Variants in NTRK3 observed in about 807,000 individuals in gnomAD.
The protein encoded by NTRK3 is NT-3 growth factor receptor.
A neutral mutation model predicts 91.7 loss-of-function variants in NTRK3; 24 were observed. The ratio of observed to expected loss-of-function variants is 0.26; its 90% CI spans 0.19 to 0.37. NTRK3 has a LOEUF of 0.37. NTRK3 is among the 10% of genes least tolerant of loss of function. The pLI is 1.00. For synonymous variants in NTRK3, 483 were observed against 404.0 expected (o/e 1.20, Z -2.34); for missense variants, 880 against 1,068.9 (o/e 0.82, Z 2.46).
intron 5 of NTRK3, among the ~76,000 whole-genome samples, chr15:88,178,829 G>A (rs371275790): frequency 6.6e-6 from 1 of 152,340 alleles, no homozygotes; most frequent in East Asian, 1.9e-4. Flanking sequence ...AGCTCTTTGA[G>A]GATGGAGCGT....
intron 3 of NTRK3, among the ~76,000 whole-genome samples, chr15:88,238,367 A>C (rs2052004614): frequency 6.6e-6 from 1 of 152,168 alleles, no homozygotes; most frequent in South Asian, 2.1e-4. Context: ...AATAAAGAAA[A>C]AACAAAGGAT....
At chr15:88,036,370 G>A (rs555334188) in intron 13 of NTRK3, among the ~76,000 whole-genome samples, 30 of 151,540 alleles carry the variant, frequency 2.0e-4, no homozygotes, top group Non-Finnish European at 8.8e-5. Flanking sequence ...ATTCTACAGA[G>A]CAATTCCTTC....
rs531658290 is a variant in NTRK3 at position 87,928,883 on chromosome 15, A to T, written c.2133+308T>A. 14 of 561,474 alleles carry T rather than the reference A, an allele frequency of 2.5e-5. No homozygotes were observed. In the Admixed American group the frequency reaches 2.8e-4, roughly 11 times the overall value. The allele number at this position is 561,474 out of a possible 1,614,324, so 34.8% of individuals were successfully genotyped here. A position where few individuals can be genotyped will look rare whatever the true frequency, so the allele number is the denominator to read the frequency against. On this transcript the variant is annotated intron_variant, in intron 17 of 18. Transcript: ENST00000394480. The stretch of plus-strand genomic sequence containing the variant: ...TGTGTGTTTGGGCACATACATATAC[A>T]TGTATGAGTATGTTTACATGAAGAA...
chr15:87,982,937 T>C (rs1343031488), intron 14 of NTRK3, among the ~76,000 whole-genome samples: 1 of 151,922 alleles, frequency 6.6e-6, no homozygotes, highest in Non-Finnish European at 1.5e-5. Flanking sequence ...CTGCATCTTC[T>C]GCCTACACTC....
chr15:88,155,243 A>G (rs74027777), intron 5 of NTRK3, among the ~76,000 whole-genome samples: 2,449 of 152,328 alleles, frequency 0.016, 66 homozygotes, highest in African/African-American at 0.054. Context: ...AGGCAGAGAG[A>G]AAGTAGGGAC....
At chr15:87,990,336 G>A (rs1210597127) in intron 14 of NTRK3, among the ~76,000 whole-genome samples, 1 of 152,166 alleles carries the variant, frequency 6.6e-6, no homozygotes, top group Non-Finnish European at 1.5e-5. Flanking sequence ...ACAATGTGGA[G>A]CACATACCGT....
intron 15 of NTRK3, among the ~76,000 whole-genome samples, chr15:87,937,649 A>G (rs954404547): frequency 6.6e-6 from 1 of 152,222 alleles, no homozygotes; most frequent in Non-Finnish European, 1.5e-5. Context: ...AAATCAGGAC[A>G]TAAATTTCCT....
intron 13 of NTRK3, among the ~76,000 whole-genome samples, chr15:88,076,444 T>C (rs1396916773): frequency 6.6e-6 from 1 of 152,134 alleles, no homozygotes; most frequent in Non-Finnish European, 1.5e-5. Flanking sequence ...TCAAGTCCTC[T>C]CCTGACCCCT....
At chr15:87,900,122 C>T (rs893019749) in intron 17 of NTRK3, among the ~76,000 whole-genome samples, 29 of 152,128 alleles carry the variant, frequency 1.9e-4, no homozygotes, top group Non-Finnish European at 3.7e-4. Flanking sequence ...GGGGATTCAA[C>T]TTGGAAAAAA....
At chr15:88,174,407 C>T (rs1357656563) in intron 5 of NTRK3, among the ~76,000 whole-genome samples, 1 of 152,172 alleles carries the variant, frequency 6.6e-6, no homozygotes, top group African/African-American at 2.4e-5. Flanking sequence ...CCAGCCCCTC[C>T]CATATACTCA....
intron 14 of NTRK3, among the ~76,000 whole-genome samples, chr15:88,028,036 GGAGTGA>G (rs1224020391): frequency 2.6e-5 from 4 of 152,130 alleles, no homozygotes; most frequent in Admixed American, 6.5e-5. Context: ...GAAAGGAGAG[GGAGTGA>G]GGGTGAGGAG....
At chr15:88,129,228 G>A (rs1395288151) in intron 10 of NTRK3, among the ~76,000 whole-genome samples, 2 of 152,190 alleles carry the variant, frequency 1.3e-5, no homozygotes, top group Non-Finnish European at 1.5e-5. Flanking sequence ...GAATCTGCCC[G>A]TCCTGCAGAT....
At chr15:88,156,950 G>A (rs929201745) in intron 5 of NTRK3, among the ~76,000 whole-genome samples, 1 of 152,278 alleles carries the variant, frequency 6.6e-6, no homozygotes, top group South Asian at 2.1e-4. Flanking sequence ...CTGGAAGGAA[G>A]CATTTCTTTC....
intron 3 of NTRK3, among the ~76,000 whole-genome samples, chr15:88,201,209 T>C (rs1352990126): frequency 6.6e-6 from 1 of 152,228 alleles, no homozygotes; most frequent in Non-Finnish European, 1.5e-5. Context: ...GAGTGCTGGC[T>C]AGACTCTGGG....
chr15:88,150,399 T>C (rs1166541620), intron 5 of NTRK3, among the ~76,000 whole-genome samples: 2 of 152,162 alleles, frequency 1.3e-5, no homozygotes, highest in Non-Finnish European at 2.9e-5. Context: ...TCTGGGCAAA[T>C]AAAGACTAAG....
intron 5 of NTRK3, among the ~76,000 whole-genome samples, chr15:88,170,147 A>G (rs2045370318): frequency 6.6e-6 from 1 of 152,200 alleles, no homozygotes; most frequent in Admixed American, 6.5e-5. Flanking sequence ...ATGTCTCAGA[A>G]AAGCCCCACA....
At chr15:88,159,942 C>CCACACACA (rs1567552976) in intron 5 of NTRK3, among the ~76,000 whole-genome samples, 2 of 38,628 alleles carry the variant, frequency 5.2e-5, no homozygotes, top group Non-Finnish European at 1.2e-4. Context: ...ACCCAGCCTC[C>CCACACACA]TACACACACA....
intron 6 of NTRK3, among the ~76,000 whole-genome samples, chr15:88,143,500 T>G (rs969051311): frequency 6.6e-6 from 1 of 152,244 alleles, no homozygotes; most frequent in Non-Finnish European, 1.5e-5. Flanking sequence ...TGTGGTAATT[T>G]GTTAACGCAG....
intron 5 of NTRK3, among the ~76,000 whole-genome samples, chr15:88,181,905 G>A (rs954077238): frequency 6.6e-5 from 10 of 152,172 alleles, no homozygotes; most frequent in African/African-American, 1.2e-4. Flanking sequence ...CTATGAAAAC[G>A]GAGACTTCTC....
Sources: gnomAD v4.1 joint callset for allele counts (sites outside exome capture counted in the v4.1 genomes callset) on GRCh38, gnomAD v4.1.1 for gene constraint, MANE v1.5 for transcripts, NCBI Gene and HGNC (gene_info 2026-07-23, HGNC 2026-07-21) for gene names.